The following GAS7 variants were observed in gnomAD, a reference collection of about 807,000 sequenced individuals.
The protein encoded by GAS7 is growth arrest-specific protein 7.
A neutral mutation model predicts 71.1 loss-of-function variants in GAS7; 28 were observed. The observed-to-expected ratio is 0.39, with a 90% CI of 0.29 to 0.54. The LOEUF (loss-of-function observed/expected upper bound fraction) is 0.54, where lower values mean the gene tolerates loss of function less well. Ranked by LOEUF, GAS7 falls within the 20% of genes least tolerant of loss-of-function variation. The pLI, the probability that GAS7 is intolerant of heterozygous loss-of-function variation, is 0.62. For missense variants in GAS7, 436 were observed against 627.8 expected, an observed-to-expected ratio of 0.69 and a Z score of 3.27; for synonymous variants, 258 against 245.8, an observed-to-expected ratio of 1.05 and a Z score of -0.46.
intron 2 of GAS7, among the ~76,000 whole-genome samples, chr17:10,012,640 T>C (rs1023453522): frequency 5.3e-5 from 8 of 152,200 alleles, no homozygotes; most frequent in African/African-American, 1.9e-4. Flanking sequence ...TCTTGAAATA[T>C]AATTATTTGT....
At chr17:9,932,357 G>C (rs954249817) in intron 9 of GAS7, among the ~76,000 whole-genome samples, 2 of 152,128 alleles carry the variant, frequency 1.3e-5, no homozygotes, top group African/African-American at 4.8e-5. Flanking sequence ...ACCAAGCCCA[G>C]CTAATTTTTG....
At chr17:10,057,029 C>T (rs974157975) in intron 1 of GAS7, among the ~76,000 whole-genome samples, 2 of 152,130 alleles carry the variant, frequency 1.3e-5, no homozygotes, top group African/African-American at 4.8e-5. Context: ...CTCCTAACCG[C>T]GAGTGATCTG....
chr17:10,045,403 A>G (rs1333917380), intron 1 of GAS7, among the ~76,000 whole-genome samples: 2 of 152,106 alleles, frequency 1.3e-5, no homozygotes, highest in Non-Finnish European at 2.9e-5. Flanking sequence ...CCCATAAAAG[A>G]TTCCTAGTAT....
chr17:10,014,192 C>A (rs529651585), intron 2 of GAS7, among the ~76,000 whole-genome samples: 4 of 152,314 alleles, frequency 2.6e-5, no homozygotes, highest in Non-Finnish European at 5.9e-5. Context: ...TCCCATCACA[C>A]AAGGCAGAAA....
chr17:9,932,448 C>T (rs2068243906), intron 9 of GAS7, among the ~76,000 whole-genome samples: 1 of 152,238 alleles, frequency 6.6e-6, no homozygotes, highest in Non-Finnish European at 1.5e-5. Flanking sequence ...CCACCTCAGC[C>T]TCTCAAAGTG....
At chr17:10,190,504 C>T (rs2074490061) in intron 1 of GAS7, among the ~76,000 whole-genome samples, 1 of 150,852 alleles carries the variant, frequency 6.6e-6, no homozygotes, top group African/African-American at 2.4e-5. Flanking sequence ...CGCTTGAACC[C>T]AGGAGGTGGA....
chr17:9,946,732 G>A (rs2152098169), intron 6 of GAS7, among the ~76,000 whole-genome samples, 162 bp downstream of exon 6: 1 of 152,318 alleles, frequency 6.6e-6, no homozygotes, highest in Non-Finnish European at 1.5e-5. Flanking sequence ...GACCCCAAGA[G>A]GGTCCTAAGT....
chr17:10,077,310 C>T (rs2073405652), intron 1 of GAS7, among the ~76,000 whole-genome samples: 2 of 152,062 alleles, frequency 1.3e-5, no homozygotes, highest in Admixed American at 1.3e-4. Flanking sequence ...CCATGCCCTC[C>T]TAAAACCCCA....
At chr17:10,025,287 A>G (rs1187890011) in intron 1 of GAS7, among the ~76,000 whole-genome samples, 2 of 151,754 alleles carry the variant, frequency 1.3e-5, no homozygotes, top group Non-Finnish European at 2.9e-5. Context: ...TGTTCTAGAG[A>G]CTTCTATCCA....
At chr17:10,167,044 CTTTTTTTTTTT>C (rs1164151104) in intron 1 of GAS7, among the ~76,000 whole-genome samples, 696 of 58,834 alleles carry the variant, frequency 0.012, 12 homozygotes, top group African/African-American at 0.043. Context: ...TTCCATTTGT[CTTTTTTTTTTT>C]TTTTTTTTTT....
At chr17:10,121,880 T>G (rs1403790019) in intron 1 of GAS7, among the ~76,000 whole-genome samples, 9 of 152,036 alleles carry the variant, frequency 5.9e-5, no homozygotes, top group Admixed American at 1.3e-4. Flanking sequence ...CAGCATGGAA[T>G]GCACCCCCTC....
chr17:9,959,089 G>A lies in GAS7; in HGVS notation c.525+113C>T, dbSNP rs1263599845. 9 of 1,367,482 alleles carry A rather than the reference G, an allele frequency of 6.6e-6. No homozygotes were observed. The East Asian group carries it at 7.5e-5, about 11-fold the overall frequency. The allele number at this position is 1,367,482 out of a possible 1,614,324, so 84.7% of individuals were successfully genotyped here. On this transcript the variant is annotated intron_variant, in intron 5 of 13. Transcript: ENST00000432992. This position sits in a 1 kb window ranked among gnomAD's most constrained non-coding sequence, Gnocchi z 5.0. ...GAAATCCGAGCTTTGGAACTTCCCC[G>A]TTTCCAGGTTGGGCATCACTTCTGC... is the stretch of plus-strand genomic sequence containing the variant.
At chr17:10,108,823 A>C (rs138232317) in intron 1 of GAS7, among the ~76,000 whole-genome samples, 5 of 152,344 alleles carry the variant, frequency 3.3e-5, no homozygotes, top group Non-Finnish European at 7.3e-5. Flanking sequence ...ACCATATACA[A>C]AAATCAACTC....
intron 1 of GAS7, among the ~76,000 whole-genome samples, chr17:10,123,899 A>C (rs2073924177): frequency 6.6e-6 from 1 of 152,194 alleles, no homozygotes; most frequent in Non-Finnish European, 1.5e-5. Flanking sequence ...CCGGACAGAC[A>C]CACACTGTAC....
At chr17:10,161,541 T>C (rs903083810) in intron 1 of GAS7, among the ~76,000 whole-genome samples, 1 of 152,246 alleles carries the variant, frequency 6.6e-6, no homozygotes, top group African/African-American at 2.4e-5. Flanking sequence ...TTTTACCATG[T>C]CAACGGGAAA....
chr17:10,029,839 G>A (rs983450969), intron 1 of GAS7, among the ~76,000 whole-genome samples: 4 of 151,344 alleles, frequency 2.6e-5, no homozygotes, highest in African/African-American at 9.7e-5. Context: ...GTGACAGAGC[G>A]AGACTCCGTC....
rs368969535 is a variant in GAS7, at chr17:10,071,501, G to A, written c.184-51604C>T. ...GCAATCGGAGGCAGCGCAGACAGCCGAGGGCTCACCCTGCAGACCAGAGGC... is the reference window on the plus strand; with the variant it reads ...GCAATCGGAGGCAGCGCAGACAGCCAAGGGCTCACCCTGCAGACCAGAGGC... On this transcript the variant is annotated intron_variant, in intron 1 of 13. Transcript: ENST00000432992. Among the ~76,000 whole-genome samples, 95 of 152,292 alleles carry A rather than the reference G, an allele frequency of 6.2e-4. 1 individual carries two copies. The East Asian group carries it at 0.011, about 17-fold the overall frequency.
At chr17:10,116,265 G>A (rs2073860442) in intron 1 of GAS7, among the ~76,000 whole-genome samples, 2 of 151,822 alleles carry the variant, frequency 1.3e-5, no homozygotes, top group African/African-American at 4.8e-5. Context: ...AGTGAGCTGA[G>A]ATTGTACCAC....
In GAS7 at chr17:9,969,350, C is replaced by T. The variant is rs951763770; in HGVS notation, c.471+327G>A. Among the ~76,000 whole-genome samples the T allele has an allele frequency of 1.1e-4, 17 of 152,254 alleles. No individual in the cohort carries two copies. Among genetic ancestry groups the T allele is most frequent in the African/African-American group, 3.9e-4 (16 of 41,554 alleles). On this transcript the variant is annotated intron_variant, in intron 4 of 13. Transcript: ENST00000432992. This position sits in a 1 kb window ranked among gnomAD's most constrained non-coding sequence, Gnocchi z 5.5. ...AGAAAAGGAAAATTGTCTGGCACAT[C>T]CATACTCTTAAAGTGGTGAGAAACA...
Sources: gnomAD v4.1 joint callset for allele counts (sites outside exome capture counted in the v4.1 genomes callset) on GRCh38, gnomAD v4.1.1 for gene constraint, Gnocchi (gnomAD v3.1) non-coding constraint, MANE v1.5 for transcripts, NCBI Gene and HGNC (gene_info 2026-07-23, HGNC 2026-07-21) for gene names.